Variants in THBS1 observed in about 807,000 individuals in gnomAD.
THBS1 encodes the protein thrombospondin 1.
THBS1 carries 29 observed loss-of-function variants against 126.1 expected under a neutral mutation model. That is an observed-to-expected ratio of 0.23 (90% CI 0.17 to 0.31). THBS1 has a LOEUF of 0.31. Among genes scored for constraint, THBS1 ranks in the 10% least tolerant of loss-of-function variants. The probability of loss-of-function intolerance (pLI) is 1.00; values close to 1 mark genes in which losing one functional copy is unlikely to be tolerated. For synonymous variants in THBS1, 496 were observed against 577.8 expected, an observed-to-expected ratio of 0.86 and a Z score of 2.03; for missense variants, 1,198 against 1,545.2, an observed-to-expected ratio of 0.78 and a Z score of 3.77.
Position 39,595,694 on chromosome 15 carries a change from T to C in THBS1, c.*325T>C. The C allele has an allele frequency of 1.9e-6, 1 of 537,532 alleles. No individual in the cohort carries two copies. Among genetic ancestry groups the C allele is most frequent in the East Asian group, 4.6e-5 (1 of 21,612 alleles). 33.3% of individuals were successfully genotyped at this position (537,532 alleles called of 1,614,324 possible). On this transcript the variant is annotated 3_prime_UTR_variant, in exon 22 of 22. Transcript: ENST00000260356. The stretch of plus-strand genomic sequence containing the variant: ...GCCTTTGTCACAGAGCAGGGTGCTA[T>C]TGTGAGGCCATCTCTGAGCAGTGGA...
chr15:39,588,780 C>G (rs1890264123), intron 10 of THBS1, 81 bp downstream of exon 10: 1 of 1,555,514 alleles, frequency 6.4e-7, no homozygotes. Context: ...CGAGGAGATT[C>G]CAGCTTGGTT....
At position 39,593,560 on chromosome 15, in the gene THBS1, G is replaced by A. The variant is rs772714951; in HGVS notation, c.3159G>A (p.Thr1053=). The A allele has an allele frequency of 1.5e-5, 24 of 1,614,190 alleles. No homozygotes were observed. Among genetic ancestry groups the A allele is most frequent in the Admixed American group, 8.3e-5 (5 of 60,030 alleles). ...AGTCCTACTGGGACACCAACCCCAC[G>A]AGGGCTCAGGGATACTCGGGCCTTT... ...VTQSYWDTNP[T]RAQGYSGLSV... The change falls in exon 19 of 22, where the codon ACG becomes ACA. Residue 1053 remains threonine, a synonymous_variant. Coordinates refer to ENST00000260356, the MANE Select transcript of THBS1 (RefSeq NM_003246.4). This position sits in a 1 kb window ranked among gnomAD's most constrained non-coding sequence, Gnocchi z 5.9.
chr15:39,594,523 G>C lies in THBS1; in HGVS notation c.3505+83G>C. 1 of 1,531,766 alleles carries C rather than the reference G, an allele frequency of 6.5e-7. No homozygotes were observed. Among genetic ancestry groups the C allele is most frequent in the Non-Finnish European group, 8.8e-7 (1 of 1,140,228 alleles). The allele number at this position is 1,531,766 out of a possible 1,614,324, so 94.9% of individuals were successfully genotyped here. On this transcript the variant is annotated intron_variant, in intron 21 of 21. Transcript: ENST00000260356. This position sits in a 1 kb window ranked among gnomAD's most constrained non-coding sequence, Gnocchi z 4.4. ...AGGATGACGGTTATGGGGGAGTCCA[G>C]TGTAAAGACTGTTTTGGAGACAGGG... is the stretch of plus-strand genomic sequence containing the variant.
chr15:39,583,607 CT>C lies in THBS1; in HGVS notation c.628-9del. ...GCATTCTACAAGTAATGTGTGTCCT[CT>C]GCCCACAGGGGGTGCTGCAGAATGT... On this transcript the variant is annotated splice_polypyrimidine_tract_variant and intron_variant, in intron 3 of 21. Transcript: ENST00000260356. The C allele has an allele frequency of 6.6e-7, 1 of 1,515,648 alleles. No individual in the cohort carries two copies. Among genetic ancestry groups the C allele is most frequent in the Non-Finnish European group, 8.9e-7 (1 of 1,117,926 alleles). The allele number at this position is 1,515,648 out of a possible 1,614,324, so 93.9% of individuals were successfully genotyped here. A position where few individuals can be genotyped will look rare whatever the true frequency, so the allele number is the denominator to read the frequency against.
intron 9 of THBS1, 110 bp from the exon 10 acceptor site, chr15:39,588,416 T>C (rs1890252378): frequency 2.9e-6 from 4 of 1,376,200 alleles, no homozygotes; most frequent in Non-Finnish European, 2.9e-6. Context: ...CAGCATTCTT[T>C]CCATGTGTCA....
chr15:39,594,275 C>T lies in THBS1; in HGVS notation c.3366-26C>T. 2 of 1,613,904 alleles carry T rather than the reference C, an allele frequency of 1.2e-6. No homozygotes were observed. ...CAAAAAGTATTAAATAGCATTGTCA[C>T]TAAACAAGATTTTTTTTCCCTGCAG... On this transcript the variant is annotated intron_variant, in intron 20 of 21. Coordinates refer to ENST00000260356, the MANE Select transcript of THBS1 (RefSeq NM_003246.4). The surrounding 1 kb of genome is among the most constrained non-coding windows in gnomAD (Gnocchi z 4.4).
At chr15:39,590,468 G>C (rs904694407) in intron 13 of THBS1, 48 bp from the exon 14 acceptor site, 1 of 1,473,090 alleles carries the variant, frequency 6.8e-7, no homozygotes, top group Non-Finnish European at 9.4e-7. Flanking sequence ...CATGAGCTCA[G>C]CATGAGGAAG....
In THBS1 at chr15:39,599,289, C is replaced by T. The variant is rs755745758; in HGVS notation, c.*3920C>T. On this transcript the variant is annotated 3_prime_UTR_variant, in exon 22 of 22. Transcript: ENST00000260356. ...TACCAGTCCTTGTTAGAGTTACCTT[C>T]AGTTGACATGCTGTGAATGGTCCCA... 6.6e-6 allele frequency: 1 copy of T among 152,198 alleles called. No homozygotes were observed. The highest frequency in any genetic ancestry group is 1.5e-5 in the Non-Finnish European group (1 of 68,028). 9.4% of individuals were successfully genotyped at this position (152,198 alleles called of 1,614,324 possible).
rs1890379364 is a variant in THBS1 at position 39,593,890 on chromosome 15, C to A, written c.3268-209C>A. The A allele has an allele frequency of 4.5e-6, 4 of 895,708 alleles. No individual in the cohort carries two copies. Among genetic ancestry groups the A allele is most frequent in the African/African-American group, 1.7e-5 (1 of 59,132 alleles). 55.5% of individuals were successfully genotyped at this position (895,708 alleles called of 1,614,324 possible). ...CTAAGGTGCCTTCAGCCTTTTCAAA[C>A]AAAAAAACCTCCTTCCCTCCTCTCT... On this transcript the variant is annotated intron_variant, in intron 19 of 21. Coordinates refer to ENST00000260356, the MANE Select transcript of THBS1 (RefSeq NM_003246.4). This position sits in a 1 kb window ranked among gnomAD's most constrained non-coding sequence, Gnocchi z 5.9.
Position 39,584,194 on chromosome 15 carries a change from GGCCT to G in THBS1, c.903+8_903+11del, listed in dbSNP as rs1265448909. The G allele has an allele frequency of 5.0e-6, 8 of 1,613,884 alleles. No homozygotes were observed. The highest frequency in any genetic ancestry group is 5.9e-6 in the Non-Finnish European group (7 of 1,179,920). On this transcript the variant is annotated splice_region_variant and intron_variant, in intron 5 of 21. Coordinates refer to ENST00000260356, the MANE Select transcript of THBS1 (RefSeq NM_003246.4). ...GGACAGCATCCGCAAAGTGGTCAGT[GGCCT>G]CTGCACCCAGCCCGTTAGCATGAAC...
rs1330273716 is a variant in THBS1 at position 39,594,162 on chromosome 15, C to T, written c.3331C>T (p.Arg1111Cys). ...GWKDFTAYRW[R>C]LSHRPKTGFI... ...GAAAGATTTCACCGCCTACAGATGG[C>T]GTCTCAGCCACAGGCCAAAGACGGG... is the stretch of plus-strand genomic sequence containing the variant. The change falls in exon 20 of 22, where the codon CGT becomes TGT. Residue 1111 changes from arginine to cysteine, a missense_variant. By Grantham distance (180) the Arg-to-Cys change is radical. This residue lies in a region of THBS1 where 255 missense variants were observed against 373.9 expected (regional missense o/e 0.68). Transcript: ENST00000260356. The surrounding 1 kb of genome is among the most constrained non-coding windows in gnomAD (Gnocchi z 4.4). The T allele has an allele frequency of 4.3e-6, 7 of 1,614,050 alleles. No homozygotes were observed. The highest frequency in any genetic ancestry group is 1.1e-5 in the South Asian group (1 of 91,074).
At chr15:39,588,277 C>G in intron 9 of THBS1, 59 bp downstream of exon 9, 1 of 1,567,652 alleles carries the variant, frequency 6.4e-7, no homozygotes, top group East Asian at 2.3e-5. Context: ...CAGCTGGTTG[C>G]CTGGCATCTG....
chr15:39,592,984 G>A lies in THBS1; in HGVS notation c.2768-16G>A. ...CACTTTAGAATTTTGCTGAACTCTTGCTTTTTTGACCTCAGGCGATGGTCG... is the reference window on the plus strand; with the variant it reads ...CACTTTAGAATTTTGCTGAACTCTTACTTTTTTGACCTCAGGCGATGGTCG... On this transcript the variant is annotated splice_polypyrimidine_tract_variant and intron_variant, in intron 17 of 21. Coordinates refer to ENST00000260356, the MANE Select transcript of THBS1 (RefSeq NM_003246.4). The surrounding 1 kb of genome is among the most constrained non-coding windows in gnomAD (Gnocchi z 4.3). The A allele has an allele frequency of 6.2e-7, 1 of 1,611,790 alleles. No individual in the cohort carries two copies. Among genetic ancestry groups the A allele is most frequent in the South Asian group, 1.1e-5 (1 of 90,936 alleles).
chr15:39,583,889 G>A, intron 4 of THBS1, 99 bp from the exon 5 acceptor site: 1 of 1,446,952 alleles, frequency 6.9e-7, no homozygotes, highest in Non-Finnish European at 9.5e-7. Flanking sequence ...CCCTCTACCT[G>A]CATCCTTCAC....
intron 4 of THBS1, 101 bp downstream of exon 4, chr15:39,583,793 C>G: frequency 1.5e-6 from 2 of 1,340,446 alleles, no homozygotes; most frequent in Non-Finnish European, 2.1e-6. Flanking sequence ...TAAATTACCC[C>G]CAGTGAGATC....
chr15:39,581,715 G>A (rs1423411752), intron 1 of THBS1, 114 bp from the exon 2 acceptor site: 8 of 569,306 alleles, frequency 1.4e-5, no homozygotes, highest in South Asian at 4.9e-5. Flanking sequence ...CAGCAAACGC[G>A]GGGTCAAAGA....
chr15:39,582,246 C>T lies in THBS1; in HGVS notation c.121C>T (p.Arg41Cys). The T allele has an allele frequency of 6.2e-7, 1 of 1,613,930 alleles. No individual in the cohort carries two copies. The highest frequency in any genetic ancestry group is 8.5e-7 in the Non-Finnish European group (1 of 1,179,934). Residue 41 changes from arginine (R) to cysteine (C), a missense_variant, in exon 3 of 22, where the codon CGC (arginine) becomes TGC (cysteine). Arg to Cys is a radical substitution (Grantham distance 180). Coordinates refer to ENST00000260356, the MANE Select transcript of THBS1 (RefSeq NM_003246.4). Reference protein sequence around the residue: ...FDIFELTGAARKGSGRRLVKG... With the variant: ...FDIFELTGAACKGSGRRLVKG... Reference sequence around the variant, plus strand: ...CATCTTTGAACTCACCGGGGCCGCCCGCAAGGGGTCTGGGCGCCGACTGGT... The same window carrying T: ...CATCTTTGAACTCACCGGGGCCGCCTGCAAGGGGTCTGGGCGCCGACTGGT...
In THBS1 at chr15:39,589,466, G is replaced by C; in HGVS notation, c.1926+112G>C. ...CCCTTCACCAAAAAAAAAAGGGCGA[G>C]GAGATGAATGTACGGTCTAGTTTTA... On this transcript the variant is annotated intron_variant, in intron 12 of 21. Transcript: ENST00000260356. The surrounding 1 kb of genome is among the most constrained non-coding windows in gnomAD (Gnocchi z 4.7). The C allele has an allele frequency of 8.9e-6, 12 of 1,346,188 alleles. No individual in the cohort carries two copies. The South Asian group carries it at 1.3e-4, about 14-fold the overall frequency. The allele number at this position is 1,346,188 out of a possible 1,614,324, so 83.4% of individuals were successfully genotyped here.
chr15:39,589,783 C>T lies in THBS1; in HGVS notation c.1927-22C>T. ...GAGGATTCTCAAAAGCTCTGTGTAA[C>T]AGCAGCATGGTGTACCCTCAGGTGT... is the stretch of plus-strand genomic sequence containing the variant. On this transcript the variant is annotated intron_variant, in intron 12 of 21. Coordinates refer to ENST00000260356, the MANE Select transcript of THBS1 (RefSeq NM_003246.4). This position sits in a 1 kb window ranked among gnomAD's most constrained non-coding sequence, Gnocchi z 4.7. 1 of 1,574,154 alleles carries T rather than the reference C, an allele frequency of 6.4e-7. No individual in the cohort carries two copies. The highest frequency in any genetic ancestry group is 1.2e-5 in the South Asian group (1 of 84,086).
Sources: gnomAD v4.1 joint callset for allele counts on GRCh38, gnomAD v4.1.1 for gene constraint, gnomAD v4.1.1 regional missense constraint, Gnocchi (gnomAD v3.1) non-coding constraint, MANE v1.5 for transcripts, NCBI Gene and HGNC (gene_info 2026-07-23, HGNC 2026-07-21) for gene names.